The following GMEB2 variants were observed in gnomAD, a reference collection of about 807,000 sequenced individuals.
GMEB2 encodes glucocorticoid modulatory element-binding protein 2.
A neutral mutation model predicts 45.7 loss-of-function variants in GMEB2; 7 were observed. The ratio of observed to expected loss-of-function variants is 0.15; its 90% confidence interval spans 0.09 to 0.29. The LOEUF (loss-of-function observed/expected upper bound fraction) is 0.29, where lower values mean the gene tolerates loss of function less well. GMEB2 is among the 10% of genes least tolerant of loss of function. GMEB2 has a pLI of 1.00. For missense variants in GMEB2, 582 were observed against 739.2 expected, an observed-to-expected ratio of 0.79 and a Z score of 2.47; for synonymous variants, 322 against 323.6, an observed-to-expected ratio of 1.00 and a Z score of 0.05.
chr20:63,624,328 C>G (rs535273044), intron 1 of GMEB2, among the ~76,000 whole-genome samples: 1 of 151,008 alleles, frequency 6.6e-6, no homozygotes, highest in South Asian at 2.1e-4. Flanking sequence ...ACTTGGGAGG[C>G]TGAGGCAGGA....
At chr20:63,610,546 AC>A (rs906846578) in intron 2 of GMEB2, among the ~76,000 whole-genome samples, 1 of 152,138 alleles carries the variant, frequency 6.6e-6, no homozygotes, top group African/African-American at 2.4e-5. Flanking sequence ...AACAAAAAAA[AC>A]ATGTAGCAAG....
In GMEB2 at chr20:63,588,960, G is replaced by A. The variant is rs1351451490; in HGVS notation, c.*1129C>T. 10 of 398,908 alleles carry A rather than the reference G, an allele frequency of 2.5e-5. No homozygotes were observed. The highest frequency in any genetic ancestry group is 4.0e-5 in the Non-Finnish European group (9 of 226,278). The allele number at this position is 398,908 out of a possible 1,614,324, so 24.7% of individuals were successfully genotyped here. ...GCTCTGGGCTCCACCTTCGGCAGCTGCCCTGAGCAGCCCACCCGGGGCAGC... is the reference window on the plus strand; with the variant it reads ...GCTCTGGGCTCCACCTTCGGCAGCTACCCTGAGCAGCCCACCCGGGGCAGC... On this transcript the variant is annotated 3_prime_UTR_variant, in exon 10 of 10. Coordinates refer to ENST00000370077, the MANE Select transcript of GMEB2 (RefSeq NM_012384.5).
chr20:63,593,155 C>T lies in GMEB2; in HGVS notation c.620-73G>A, dbSNP rs934010862. 1 of 838,834 alleles carries T rather than the reference C, an allele frequency of 1.2e-6. No individual in the cohort carries two copies. The highest frequency in any genetic ancestry group is 1.7e-5 in the African/African-American group (1 of 60,244). 52.0% of individuals were successfully genotyped at this position (838,834 alleles called of 1,614,324 possible). A position where few individuals can be genotyped will look rare whatever the true frequency, so the allele number is the denominator to read the frequency against. On this transcript the variant is annotated intron_variant, in intron 6 of 9. Transcript: ENST00000370077. The surrounding 1 kb of genome is among the most constrained non-coding windows in gnomAD (Gnocchi z 4.7). ...CCACACCCCACATACCCTGTCCACC[C>T]TCCTCACACCACCTTCTGAACCTTT...
intron 3 of GMEB2, 133 bp downstream of exon 3, chr20:63,604,610 A>G (rs988579254): frequency 4.5e-6 from 3 of 659,850 alleles, no homozygotes; most frequent in South Asian, 3.4e-5. Context: ...TCTCACTCCT[A>G]AGGGCACACA....
intron 6 of GMEB2, among the ~76,000 whole-genome samples, chr20:63,595,379 AAAAAG>A (rs1221939716): frequency 6.6e-5 from 10 of 152,240 alleles, no homozygotes; most frequent in Non-Finnish European, 1.3e-4. Context: ...AAAATGGCTT[AAAAAG>A]AAAAGTGCTT....
Position 63,589,775 on chromosome 20 carries a change from C to A in GMEB2, c.*314G>T. 1 of 266,102 alleles carries A rather than the reference C, an allele frequency of 3.8e-6. No homozygotes were observed. 16.5% of individuals were successfully genotyped at this position (266,102 alleles called of 1,614,324 possible). On this transcript the variant is annotated 3_prime_UTR_variant, in exon 10 of 10. Coordinates refer to ENST00000370077, the MANE Select transcript of GMEB2 (RefSeq NM_012384.5). Reference sequence around the variant, plus strand: ...TGTCTCTGCTGCACCCAGGCTCCCCCTAGCCCCCGCCCACCTGGCTCCTGA... The same window carrying A: ...TGTCTCTGCTGCACCCAGGCTCCCCATAGCCCCCGCCCACCTGGCTCCTGA...
At chr20:63,620,364 C>A (rs977453061) in intron 1 of GMEB2, among the ~76,000 whole-genome samples, 1 of 152,268 alleles carries the variant, frequency 6.6e-6, no homozygotes, top group East Asian at 1.9e-4. Context: ...AGTGTGGGGG[C>A]TCCCTGTTGC....
At chr20:63,591,730 G>A (rs912757678) in intron 9 of GMEB2, among the ~76,000 whole-genome samples, 4 of 152,192 alleles carry the variant, frequency 2.6e-5, no homozygotes, top group South Asian at 2.1e-4. Flanking sequence ...CTCCCAAAGC[G>A]CTGGGATAAC....
chr20:63,591,577 T>A (rs771067683), intron 9 of GMEB2, among the ~76,000 whole-genome samples: 3 of 152,098 alleles, frequency 2.0e-5, no homozygotes, highest in Non-Finnish European at 4.4e-5. Context: ...AGCAATTGCC[T>A]GCCAGCCTCC....
chr20:63,614,132 T>TA (rs1440694136), intron 2 of GMEB2, among the ~76,000 whole-genome samples: 1 of 152,108 alleles, frequency 6.6e-6, no homozygotes, highest in African/African-American at 2.4e-5. Context: ...TCCGGTGTAA[T>TA]AAAATGCATA....
chr20:63,622,555 T>C (rs1474295181), intron 1 of GMEB2, among the ~76,000 whole-genome samples: 4 of 152,160 alleles, frequency 2.6e-5, no homozygotes, highest in Non-Finnish European at 5.9e-5. Context: ...CTTCTTTTCC[T>C]CCATTCCACA....
At position 63,602,897 on chromosome 20, in the gene GMEB2, G is replaced by A. The variant is rs181134697; in HGVS notation, c.357+68C>T. 2.4e-3 allele frequency: 3,516 copies of A among 1,456,634 alleles called. 12 individuals are homozygous for A. Among genetic ancestry groups the A allele is most frequent in the Non-Finnish European group, 2.9e-3 (3,010 of 1,049,840 alleles). 90.2% of individuals were successfully genotyped at this position (1,456,634 alleles called of 1,614,324 possible). ...GCCTCAGGATGCACTCAGCACAGCT[G>A]CACCCCCAAAGCAGTCACAGACACC... On this transcript the variant is annotated intron_variant, in intron 4 of 9. Coordinates refer to ENST00000370077, the MANE Select transcript of GMEB2 (RefSeq NM_012384.5).
chr20:63,590,360 T>G lies in GMEB2; in HGVS notation c.1322A>C (p.Tyr441Ser). 2 of 1,606,348 alleles carry G rather than the reference T, an allele frequency of 1.2e-6. No individual in the cohort carries two copies. Among genetic ancestry groups the G allele is most frequent in the Non-Finnish European group, 1.7e-6 (2 of 1,175,450 alleles). Residue 441 changes from tyrosine (Y) to serine (S), a missense_variant, in exon 10 of 10, where the codon TAC (tyrosine) becomes TCC (serine). Physicochemically the swap from Tyr to Ser is moderately radical, Grantham distance 144. Coordinates refer to ENST00000370077, the MANE Select transcript of GMEB2 (RefSeq NM_012384.5). Reference sequence around the variant, plus strand: ...CGGGTGGATCTCCACTGTGCTGGGGTAGGTGGAGCCGGAAGAGGCCAAGAC... The same window carrying G: ...CGGGTGGATCTCCACTGTGCTGGGGGAGGTGGAGCCGGAAGAGGCCAAGAC... ...YTVLASSGST[Y>S]PSTVEIHPDA...
intron 2 of GMEB2, among the ~76,000 whole-genome samples, chr20:63,616,465 C>T (rs985443807): frequency 6.6e-6 from 1 of 152,136 alleles, no homozygotes; most frequent in Non-Finnish European, 1.5e-5. Context: ...AAAAATAACA[C>T]ACACGTGAAT....
At position 63,592,965 on chromosome 20, in the gene GMEB2, C is replaced by G; in HGVS notation, c.691+46G>C. The G allele has an allele frequency of 7.4e-7, 1 of 1,344,434 alleles. No individual in the cohort carries two copies. Among genetic ancestry groups the G allele is most frequent in the African/African-American group, 1.4e-5 (1 of 69,956 alleles). The allele number at this position is 1,344,434 out of a possible 1,614,324, so 83.3% of individuals were successfully genotyped here. On this transcript the variant is annotated intron_variant, in intron 7 of 9. Coordinates refer to ENST00000370077, the MANE Select transcript of GMEB2 (RefSeq NM_012384.5). This position sits in a 1 kb window ranked among gnomAD's most constrained non-coding sequence, Gnocchi z 8.2. ...GGCCCGAGGTGGGCAGAGACTCCAC[C>G]ACCCCGCCAGGGCTTGTGAGAAGCC...
At chr20:63,591,991 A>C in intron 9 of GMEB2, 31 bp downstream of exon 9, 1 of 1,585,846 alleles carries the variant, frequency 6.3e-7, no homozygotes, top group Non-Finnish European at 8.6e-7. Context: ...CCTACCGCCC[A>C]GGGGACGGGA....
intron 2 of GMEB2, among the ~76,000 whole-genome samples, chr20:63,609,892 C>A (rs1383588199): frequency 3.2e-4 from 41 of 128,158 alleles, no homozygotes; most frequent in African/African-American, 1.1e-3. Flanking sequence ...CCCTCTGACC[C>A]ACACATCCAT....
At chr20:63,604,208 A>AC (rs1184747575) in intron 3 of GMEB2, among the ~76,000 whole-genome samples, 6 of 151,276 alleles carry the variant, frequency 4.0e-5, no homozygotes, top group Non-Finnish European at 1.5e-5. Context: ...TTGAAAAAAA[A>AC]AAAAAAAAAA....
intron 1 of GMEB2, among the ~76,000 whole-genome samples, chr20:63,626,748 C>T (rs2089677311): frequency 1.4e-5 from 2 of 147,198 alleles, no homozygotes; most frequent in Admixed American, 1.4e-4. Context: ...GAAGCGCCGC[C>T]GCCCGCGCCC....
Sources: allele counts gnomAD v4.1 joint callset (sites outside exome capture counted in the v4.1 genomes callset), GRCh38; gene constraint gnomAD v4.1.1; non-coding constraint Gnocchi (gnomAD v3.1); transcripts MANE v1.5; gene names NCBI Gene and HGNC (gene_info 2026-07-23, HGNC 2026-07-21).